The following SGCD variants were observed in gnomAD, a reference collection of about 807,000 sequenced individuals.
SGCD encodes the protein delta-sarcoglycan.
Under a neutral mutation model 36.6 loss-of-function variants are expected in SGCD, and 18 were observed. That is an observed-to-expected ratio of 0.49 (90% CI 0.34 to 0.73). The LOEUF is 0.73. Among genes scored for constraint, SGCD ranks in the 30% least tolerant of loss-of-function variants. The pLI is 0.01. For synonymous variants in SGCD, 133 were observed against 130.6 expected (o/e 1.02, Z -0.12); for missense variants, 387 against 346.7 (o/e 1.12, Z -0.92).
chr5:155,855,938 T>C, the SGCD span, among the ~76,000 whole-genome samples: 1 of 152,172 alleles, frequency 6.6e-6, no homozygotes, highest in African/African-American at 2.4e-5. Context: ...AAGGAAACGA[T>C]AGGAAAAATT....
At chr5:155,813,080 A>T in the SGCD span, among the ~76,000 whole-genome samples, 2 of 151,622 alleles carry the variant, frequency 1.3e-5, no homozygotes. Context: ...GGAATACAAG[A>T]AGCTAGTTTT....
chr5:156,743,860 AC>A (rs1486134177), intron 7 of SGCD, among the ~76,000 whole-genome samples: 2 of 152,216 alleles, frequency 1.3e-5, no homozygotes, highest in African/African-American at 4.8e-5. Flanking sequence ...TTTCAAAGTG[AC>A]CCTTATTTGA....
intron 3 of SGCD, among the ~76,000 whole-genome samples, chr5:156,414,221 A>G (rs1772914116): frequency 6.6e-6 from 1 of 152,194 alleles, no homozygotes; most frequent in African/African-American, 2.4e-5. Context: ...CAAACATTTT[A>G]TTGCATTTTC....
At chr5:156,415,444 A>G (rs1452270421) in intron 3 of SGCD, among the ~76,000 whole-genome samples, 1 of 152,222 alleles carries the variant, frequency 6.6e-6, no homozygotes, top group Non-Finnish European at 1.5e-5. Flanking sequence ...ATGAGATTTG[A>G]GCACGTGGTC....
the SGCD span, among the ~76,000 whole-genome samples, chr5:155,852,983 CCTT>C: frequency 2.0e-5 from 3 of 152,018 alleles, no homozygotes; most frequent in Non-Finnish European, 2.9e-5. Flanking sequence ...CCTAATAATT[CCTT>C]CTTCTCTGAC....
chr5:156,302,245 C>T (rs777483098), intron 3 of SGCD, among the ~76,000 whole-genome samples: 8 of 152,100 alleles, frequency 5.3e-5, no homozygotes, highest in East Asian at 3.9e-4. Flanking sequence ...TTCAAGTAGC[C>T]TGTCTTCAGA....
intron 6 of SGCD, among the ~76,000 whole-genome samples, chr5:156,618,681 C>A (rs1310370777): frequency 1.3e-5 from 2 of 151,494 alleles, no homozygotes; most frequent in Non-Finnish European, 2.9e-5. Context: ...TGTCTGTAGG[C>A]AGCATAAGCT....
chr5:156,093,192 C>T (rs372931054), intron 1 of SGCD, among the ~76,000 whole-genome samples: 20 of 152,190 alleles, frequency 1.3e-4, no homozygotes, highest in African/African-American at 4.3e-4. Flanking sequence ...GCCTTCCTTT[C>T]TACAATAGGC....
rs370087036 is a variant in SGCD, at chr5:156,676,946, TA to T, written c.575+29413del. 1.9e-3 allele frequency among the ~76,000 whole-genome samples: 284 copies of T among 152,338 alleles called. 1 individual carries two copies. The highest frequency in any genetic ancestry group is 6.5e-3 in the African/African-American group (271 of 41,586). ...GTCTGTGTTCTAGCCAGGGAGACCT[TA>T]AATACCTAGGCAAGGTGATCAGCAT... On this transcript the variant is annotated intron_variant, in intron 7 of 8. Transcript: ENST00000337851.
At chr5:156,617,356 C>T (rs181516152) in intron 6 of SGCD, among the ~76,000 whole-genome samples, 3 of 152,238 alleles carry the variant, frequency 2.0e-5, no homozygotes, top group Admixed American at 1.3e-4. Context: ...CAAATAGACA[C>T]GATACCTTGA....
At chr5:156,513,189 T>C (rs893748375) in intron 4 of SGCD, among the ~76,000 whole-genome samples, 7 of 152,156 alleles carry the variant, frequency 4.6e-5, no homozygotes, top group Non-Finnish European at 1.0e-4. Context: ...CCACAGGGCT[T>C]GCCTCTCTTT....
intron 3 of SGCD, among the ~76,000 whole-genome samples, chr5:156,396,170 A>C (rs1344628410): frequency 1.3e-5 from 2 of 152,204 alleles, no homozygotes; most frequent in African/African-American, 2.4e-5. Context: ...GAACGATTTA[A>C]TTTCATGCAC....
At chr5:156,491,283 G>T (rs964421491) in intron 3 of SGCD, among the ~76,000 whole-genome samples, 2 of 152,078 alleles carry the variant, frequency 1.3e-5, no homozygotes, top group African/African-American at 4.8e-5. Context: ...CTAATCTATA[G>T]ATTTAATATA....
chr5:156,222,150 T>C (rs146464818), intron 3 of SGCD, among the ~76,000 whole-genome samples: 6 of 152,152 alleles, frequency 3.9e-5, no homozygotes, highest in African/African-American at 7.2e-5. Context: ...AGGCCGCTTC[T>C]AAAAGGAATG....
At chr5:156,099,997 A>G (rs1761482675) in intron 1 of SGCD, among the ~76,000 whole-genome samples, 1 of 152,136 alleles carries the variant, frequency 6.6e-6, no homozygotes, top group Admixed American at 6.5e-5. Flanking sequence ...ATATTCATAT[A>G]TATGTCATAG....
the SGCD span, among the ~76,000 whole-genome samples, chr5:155,791,737 C>T: frequency 1.2e-4 from 18 of 152,072 alleles, no homozygotes; most frequent in Non-Finnish European, 2.2e-4. Flanking sequence ...AACTACAAAA[C>T]ACTACTGAAG....
At chr5:156,206,535 T>G (rs987201308) in intron 3 of SGCD, among the ~76,000 whole-genome samples, 12 of 152,080 alleles carry the variant, frequency 7.9e-5, no homozygotes, top group Non-Finnish European at 1.2e-4. Flanking sequence ...GTGAAGCTCT[T>G]AAATGTGGCC....
chr5:156,144,768 T>C (rs1228584801), intron 3 of SGCD, among the ~76,000 whole-genome samples: 1 of 152,202 alleles, frequency 6.6e-6, no homozygotes, highest in Non-Finnish European at 1.5e-5. Context: ...AATTTTGCTG[T>C]AGCCTCATTC....
At chr5:155,825,254 G>C in the SGCD span, among the ~76,000 whole-genome samples, 2 of 152,196 alleles carry the variant, frequency 1.3e-5, no homozygotes, top group Non-Finnish European at 2.9e-5. Context: ...ACTTCCTCTA[G>C]ACTTAGAGAA....
Sources: gnomAD v4.1 joint callset for allele counts (sites outside exome capture counted in the v4.1 genomes callset) on GRCh38, gnomAD v4.1.1 for gene constraint, MANE v1.5 for transcripts, NCBI Gene and HGNC (gene_info 2026-07-23, HGNC 2026-07-21) for gene names.